The following RYR3 variants were observed in gnomAD, a reference collection of about 807,000 sequenced individuals.
RYR3 encodes the protein ryanodine receptor 3, also known as brain ryanodine receptor-calcium release channel.
A neutral mutation model predicts 584.3 loss-of-function variants in RYR3; 207 were observed. The ratio of observed to expected loss-of-function variants is 0.35; its 90% confidence interval spans 0.32 to 0.40. RYR3 has a LOEUF of 0.40. RYR3 is among the 10% of genes least tolerant of loss of function. The probability of loss-of-function intolerance (pLI) is 1.00; values close to 1 mark genes in which losing one functional copy is unlikely to be tolerated. For missense variants in RYR3, 5,616 were observed against 6,089.2 expected (o/e 0.92, Z 2.59); for synonymous variants, 2,416 against 2,248.5 (o/e 1.07, Z -2.11).
intron 27 of RYR3, among the ~76,000 whole-genome samples, chr15:33,643,039 A>G (rs2061915490): frequency 6.6e-6 from 1 of 152,220 alleles, no homozygotes. Context: ...CGTGGCTTAG[A>G]TAATAGTATA....
At chr15:33,578,949 G>A (rs893989186) in intron 12 of RYR3, among the ~76,000 whole-genome samples, 1 of 152,164 alleles carries the variant, frequency 6.6e-6, no homozygotes. Context: ...ATGGGGAAAT[G>A]AAGGGTCATT....
chr15:33,556,354 GGT>G (rs1433195383), intron 10 of RYR3, among the ~76,000 whole-genome samples: 1 of 152,102 alleles, frequency 6.6e-6, no homozygotes, highest in Non-Finnish European at 1.5e-5. Context: ...ATGCCAGAAT[GGT>G]TATTCTAAGA....
chr15:33,669,761 T>G, intron 37 of RYR3, among the ~76,000 whole-genome samples: 1 of 148,032 alleles, frequency 6.8e-6, no homozygotes, highest in East Asian at 2.0e-4. Context: ...CTAATTTGCT[T>G]AAAGTTAGTT....
chr15:33,510,175 G>A (rs746231234), intron 3 of RYR3, among the ~76,000 whole-genome samples: 44 of 152,130 alleles, frequency 2.9e-4, no homozygotes, highest in Non-Finnish European at 4.7e-4. Context: ...AGCCTGTTTC[G>A]GTGACAAAGC....
chr15:33,704,765 G>A (rs1260989380), intron 42 of RYR3, among the ~76,000 whole-genome samples: 1 of 152,150 alleles, frequency 6.6e-6, no homozygotes, highest in Admixed American at 6.5e-5. Flanking sequence ...GCAAAGACAT[G>A]GAGCCTCCAT....
chr15:33,601,201 A>G (rs1238211415), intron 16 of RYR3, among the ~76,000 whole-genome samples: 1 of 152,198 alleles, frequency 6.6e-6, no homozygotes, highest in Non-Finnish European at 1.5e-5. Flanking sequence ...CAGAGGGGCT[A>G]GAAAGAAGTC....
intron 1 of RYR3, among the ~76,000 whole-genome samples, chr15:33,438,724 G>T (rs1223241092): frequency 2.0e-5 from 3 of 152,068 alleles, no homozygotes; most frequent in East Asian, 1.9e-4. Flanking sequence ...CTTTGAGCAT[G>T]GTACATTTAT....
intron 31 of RYR3, among the ~76,000 whole-genome samples, chr15:33,652,049 C>T (rs2062507365): frequency 6.6e-6 from 1 of 152,120 alleles, no homozygotes; most frequent in South Asian, 2.1e-4. Flanking sequence ...AGTGTAAATA[C>T]CTGTCATGGA....
chr15:33,435,512 A>T (rs924951702), intron 1 of RYR3, among the ~76,000 whole-genome samples: 20 of 152,106 alleles, frequency 1.3e-4, no homozygotes, highest in Admixed American at 3.3e-4. Flanking sequence ...ACATTCTTAT[A>T]CTTGTGTGAG....
At chr15:33,760,283 A>G (rs1186491580) in intron 60 of RYR3, among the ~76,000 whole-genome samples, 1 of 152,242 alleles carries the variant, frequency 6.6e-6, no homozygotes, top group African/African-American at 2.4e-5. Flanking sequence ...ACAGAGAACA[A>G]TGGTAACCTT....
At chr15:33,541,372 C>T (rs2055801643) in intron 7 of RYR3, among the ~76,000 whole-genome samples, 1 of 152,074 alleles carries the variant, frequency 6.6e-6, no homozygotes, top group African/African-American at 2.4e-5. Flanking sequence ...TATGGAAGGC[C>T]ATTTTAACAT....
At chr15:33,630,650 C>T (rs556081502) in intron 22 of RYR3, among the ~76,000 whole-genome samples, 3 of 152,202 alleles carry the variant, frequency 2.0e-5, no homozygotes, top group Non-Finnish European at 4.4e-5. Context: ...TACACTGGCA[C>T]CTCTTGAGGG....
chr15:33,624,138 A>G (rs941044978), intron 20 of RYR3, 115 bp downstream of exon 20: 5 of 757,670 alleles, frequency 6.6e-6, no homozygotes, highest in South Asian at 1.7e-5. Context: ...GAATTGTTGT[A>G]TAATGTGAAC....
intron 57 of RYR3, among the ~76,000 whole-genome samples, chr15:33,752,571 C>CA: frequency 6.6e-6 from 1 of 152,244 alleles, no homozygotes; most frequent in Non-Finnish European, 1.5e-5. Flanking sequence ...GATTTTTGCA[C>CA]ATTGATTTTG....
In RYR3 at chr15:33,835,062, A is replaced by G; in HGVS notation, c.11558A>G (p.Lys3853Arg). 4 of 1,612,898 alleles carry G rather than the reference A, an allele frequency of 2.5e-6. No individual in the cohort carries two copies. The highest frequency in any genetic ancestry group is 3.4e-6 in the Non-Finnish European group (4 of 1,179,142). ...CATGTCTTTGCTAATATGCAGATGA[A>G]ACTCTCTCAGGTACTGTGGCCCATT... ...FLHVFANMQMKLSQDSSQIEL... is the reference protein window; with the variant it reads ...FLHVFANMQMRLSQDSSQIEL... Residue 3853 changes from lysine to arginine, a missense_variant, in exon 87 of 104, where the codon AAA (lysine) becomes AGA (arginine). By Grantham distance (26) the Lys-to-Arg change is conservative (BLOSUM62 2). This residue lies in a region of RYR3 where 954 missense variants were observed against 1,132.2 expected (regional missense o/e 0.84). Coordinates refer to ENST00000634891, the MANE Select transcript of RYR3 (RefSeq NM_001036.6).
At chr15:33,824,428 T>C (rs574061244) in intron 81 of RYR3, among the ~76,000 whole-genome samples, 14 of 152,240 alleles carry the variant, frequency 9.2e-5, no homozygotes, top group Non-Finnish European at 1.5e-4. Context: ...ATCAGAAATG[T>C]GTGTTGCATA....
chr15:33,854,498 T>A, intron 97 of RYR3, 49 bp downstream of exon 97: 1 of 1,461,782 alleles, frequency 6.8e-7, no homozygotes, highest in African/African-American at 1.4e-5. Context: ...AGTTCAGGGA[T>A]GCCACAGAGA....
intron 1 of RYR3, among the ~76,000 whole-genome samples, chr15:33,380,767 C>T (rs2041126223): frequency 6.6e-6 from 1 of 152,200 alleles, no homozygotes; most frequent in Admixed American, 6.5e-5. Context: ...AAGCAGCACA[C>T]GTACGTACAC....
chr15:33,828,195 A>G (rs1312245832), intron 85 of RYR3, among the ~76,000 whole-genome samples: 1 of 152,172 alleles, frequency 6.6e-6, no homozygotes, highest in African/African-American at 2.4e-5. Context: ...TAAGACAGCA[A>G]ACTTAATGTT....
Sources: allele counts gnomAD v4.1 joint callset (sites outside exome capture counted in the v4.1 genomes callset), GRCh38; gene constraint gnomAD v4.1.1; regional missense constraint gnomAD v4.1.1; transcripts MANE v1.5; gene names NCBI Gene and HGNC (gene_info 2026-07-23, HGNC 2026-07-21).